Variants in ARHGEF4 observed in about 807,000 individuals in gnomAD.
ARHGEF4 encodes the protein APC-stimulated guanine nucleotide exchange factor 1.
In ARHGEF4, 119 loss-of-function variants were observed where a neutral mutation model predicts 162.0. The ratio of observed to expected loss-of-function variants is 0.73; its 90% confidence interval spans 0.63 to 0.86. The LOEUF is 0.86. Among genes scored for constraint, ARHGEF4 ranks in the 40% least tolerant of loss-of-function variants. The probability of loss-of-function intolerance (pLI) is 0.00; values close to 1 mark genes in which losing one functional copy is unlikely to be tolerated. For missense variants in ARHGEF4, 2,488 were observed against 2,456.0 expected (o/e 1.01, Z -0.28); for synonymous variants, 1,014 against 979.9 (o/e 1.03, Z -0.65).
chr2:130,896,623 A>G (rs186727075), intron 1 of ARHGEF4, among the ~76,000 whole-genome samples: 1 of 152,372 alleles, frequency 6.6e-6, no homozygotes, highest in Admixed American at 6.5e-5. Context: ...AATAAGCTGC[A>G]GAGAGTGGAG....
At chr2:131,008,744 A>G (rs1398744979) in intron 4 of ARHGEF4, among the ~76,000 whole-genome samples, 1 of 152,094 alleles carries the variant, frequency 6.6e-6, no homozygotes, top group East Asian at 1.9e-4. Context: ...GTGTATATAT[A>G]TATCTTTTCA....
At chr2:130,992,500 G>A (rs1008360011) in intron 4 of ARHGEF4, among the ~76,000 whole-genome samples, 1 of 151,990 alleles carries the variant, frequency 6.6e-6, no homozygotes, top group Non-Finnish European at 1.5e-5. Context: ...CACTCACGGG[G>A]AAGGTCTGCA....
At chr2:130,999,413 C>G (rs1352229792) in intron 4 of ARHGEF4, among the ~76,000 whole-genome samples, 2 of 152,062 alleles carry the variant, frequency 1.3e-5, no homozygotes, top group African/African-American at 4.8e-5. Context: ...GCCTTGGCCT[C>G]CCAAAGTGCT....
intron 5 of ARHGEF4, among the ~76,000 whole-genome samples, chr2:131,033,695 C>T (rs1690026091): frequency 6.6e-6 from 1 of 152,184 alleles, no homozygotes; most frequent in Admixed American, 6.5e-5. Flanking sequence ...ATTCTCCTGA[C>T]AGCTTGGGGG....
At chr2:130,872,902 C>T (rs564869776) in intron 1 of ARHGEF4, among the ~76,000 whole-genome samples, 1 of 152,156 alleles carries the variant, frequency 6.6e-6, no homozygotes. Flanking sequence ...TGCAGCTGGC[C>T]CAGCACACAC....
intron 1 of ARHGEF4, among the ~76,000 whole-genome samples, chr2:130,884,261 C>G (rs907390556): frequency 2.6e-5 from 4 of 151,850 alleles, no homozygotes; most frequent in African/African-American, 9.7e-5. Context: ...CATGCACACA[C>G]ACGTGCACAC....
intron 11 of ARHGEF4, among the ~76,000 whole-genome samples, chr2:131,043,854 TCTC>T (rs1691018488): frequency 6.6e-6 from 1 of 152,064 alleles, no homozygotes; most frequent in Non-Finnish European, 1.5e-5. Flanking sequence ...AGCTACCTCT[TCTC>T]TCCCTGCAAA....
intron 4 of ARHGEF4, among the ~76,000 whole-genome samples, chr2:130,962,931 T>C (rs371589725): frequency 3.9e-4 from 60 of 152,238 alleles, no homozygotes; most frequent in African/African-American, 1.4e-3. Context: ...TCCTGGAATT[T>C]GCATTTGCAT....
At chr2:130,992,139 G>A (rs1049243917) in intron 4 of ARHGEF4, among the ~76,000 whole-genome samples, 1 of 152,094 alleles carries the variant, frequency 6.6e-6, no homozygotes, top group East Asian at 1.9e-4. Context: ...GGGACGAGGC[G>A]AACCTTTGTA....
At chr2:130,969,377 C>G (rs1467625189) in intron 4 of ARHGEF4, among the ~76,000 whole-genome samples, 3 of 152,080 alleles carry the variant, frequency 2.0e-5, no homozygotes. Flanking sequence ...GCAGGTGGAT[C>G]ACAAGATCAG....
chr2:130,853,365 C>T (rs990836913), intron 1 of ARHGEF4, among the ~76,000 whole-genome samples: 6 of 152,260 alleles, frequency 3.9e-5, no homozygotes, highest in South Asian at 4.1e-4. Context: ...AACATCCTGC[C>T]GGCTTCACAG....
At chr2:130,925,087 A>T (rs1446118843) in intron 2 of ARHGEF4, among the ~76,000 whole-genome samples, 15 of 144,140 alleles carry the variant, frequency 1.0e-4, no homozygotes, top group African/African-American at 3.4e-4. Context: ...TGTGCGTCTG[A>T]GAGAGAGAGA....
intron 5 of ARHGEF4, among the ~76,000 whole-genome samples, chr2:131,036,961 C>T (rs2105395193): frequency 6.6e-6 from 1 of 152,304 alleles, no homozygotes; most frequent in Middle Eastern, 3.4e-3. Flanking sequence ...CATATGGTCG[C>T]CTGAGCCCTC....
rs1188509597 is a variant in ARHGEF4, at chr2:130,916,368, A to G, written c.2422A>G (p.Thr808Ala). Residue 808 changes from threonine to alanine, a missense_variant, in exon 2 of 14, where the codon ACT becomes GCT. By Grantham distance (58) the Thr-to-Ala change is moderately conservative. This residue lies in a region of ARHGEF4 where 1,642 missense variants were observed against 1,481.5 expected (regional missense o/e 1.11). Transcript: ENST00000409359. ...CTTCAGGAAGGGCAGGCCCTTGGCC[A>G]CTGAGAGCCCAGGAGGGGTCCCGGC... The part of the protein sequence containing the change: ...TSFRKGRPLA[T>A]ESPGGVPAPT... 6.5e-7 allele frequency: 1 copy of G among 1,539,908 alleles called. No homozygotes were observed. The highest frequency in any genetic ancestry group is 8.7e-7 in the Non-Finnish European group (1 of 1,144,948).
In ARHGEF4 at chr2:131,040,148, A is replaced by G. The variant is rs1192722960; in HGVS notation, c.4438A>G (p.Ser1480Gly). ...GACCAACGTCATCAACGAGATCCTC[A>G]GCACTGAGCGGGACTACATCAAGCA... ...MRTNVINEIL[S>G]TERDYIKHLR... Residue 1480 changes from serine (S) to glycine (G), a missense_variant, in exon 7 of 14, where the codon AGC (serine) becomes GGC (glycine). Transcript: ENST00000409359. 5.6e-6 allele frequency: 9 copies of G among 1,613,392 alleles called. No homozygotes were observed. Among genetic ancestry groups the G allele is most frequent in the East Asian group, 4.5e-5 (2 of 44,852 alleles).
At chr2:130,931,449 T>C (rs1470998879) in intron 3 of ARHGEF4, among the ~76,000 whole-genome samples, 192 bp downstream of exon 3, 2 of 152,174 alleles carry the variant, frequency 1.3e-5, no homozygotes, top group Non-Finnish European at 2.9e-5. Context: ...AGAGACACTT[T>C]GAGCAGTGCA....
At chr2:130,873,569 A>G (rs906184496) in intron 1 of ARHGEF4, among the ~76,000 whole-genome samples, 83 of 149,762 alleles carry the variant, frequency 5.5e-4, no homozygotes, top group Middle Eastern at 3.2e-3. Context: ...CCTGGGAGAC[A>G]GGAGTGAAAC....
chr2:130,897,565 G>C (rs1480743162), intron 1 of ARHGEF4, among the ~76,000 whole-genome samples: 1 of 152,248 alleles, frequency 6.6e-6, no homozygotes, highest in African/African-American at 2.4e-5. Context: ...GCGTGGGTTT[G>C]AGTTCTGACC....
At chr2:131,039,944 C>A in intron 6 of ARHGEF4, 72 bp from the exon 7 acceptor site, 2 of 1,514,582 alleles carry the variant, frequency 1.3e-6, no homozygotes, top group Non-Finnish European at 1.8e-6. Context: ...CCGGTTCCCG[C>A]CGCTGCGGCG....
Sources: allele counts gnomAD v4.1 joint callset (sites outside exome capture counted in the v4.1 genomes callset), GRCh38; gene constraint gnomAD v4.1.1; regional missense constraint gnomAD v4.1.1; transcripts MANE v1.5; gene names NCBI Gene and HGNC (gene_info 2026-07-23, HGNC 2026-07-21).